GRM5: variants seen among roughly 807,000 people sequenced by gnomAD.
GRM5 encodes the protein metabotropic glutamate receptor 5.
Under a neutral mutation model 83.1 loss-of-function variants are expected in GRM5, and 19 were observed. The ratio of observed to expected loss-of-function variants is 0.23; its 90% CI spans 0.16 to 0.34. GRM5 has a LOEUF of 0.34. Ranked by LOEUF, GRM5 falls within the 10% of genes least tolerant of loss-of-function variation. The pLI, the probability that GRM5 is intolerant of heterozygous loss-of-function variation, is 1.00. For missense variants in GRM5, 1,160 were observed against 1,588.3 expected (o/e 0.73, Z 4.58); for synonymous variants, 675 against 633.6 (o/e 1.07, Z -0.98).
chr11:88,576,473 G>A (rs1943112073), intron 7 of GRM5, among the ~76,000 whole-genome samples: 1 of 152,140 alleles, frequency 6.6e-6, no homozygotes, highest in Admixed American at 6.6e-5. Context: ...TAAGTTTAAT[G>A]AATGAATGAA....
chr11:88,943,710 A>G (rs990347822), intron 2 of GRM5, among the ~76,000 whole-genome samples: 13 of 151,984 alleles, frequency 8.6e-5, no homozygotes, highest in Admixed American at 8.5e-4. Flanking sequence ...ACAGGAGTTG[A>G]TCTTAATAAC....
chr11:88,830,671 G>C (rs971387516), intron 3 of GRM5, among the ~76,000 whole-genome samples: 3 of 152,174 alleles, frequency 2.0e-5, no homozygotes, highest in African/African-American at 7.2e-5. Context: ...CTGGCTGTGA[G>C]ACTAACAGAG....
intron 2 of GRM5, among the ~76,000 whole-genome samples, chr11:88,892,532 T>C (rs1945163495): frequency 1.3e-5 from 2 of 152,060 alleles, no homozygotes; most frequent in Admixed American, 6.6e-5. Context: ...ATAATTATTC[T>C]TGCTGCACTT....
intron 2 of GRM5, among the ~76,000 whole-genome samples, chr11:89,046,392 A>C (rs1941643418): frequency 6.6e-6 from 1 of 152,034 alleles, no homozygotes; most frequent in South Asian, 2.1e-4. Flanking sequence ...TTTCTAGAAG[A>C]AGAGCTGCAT....
chr11:88,742,791 C>A (rs751846229), intron 3 of GRM5, among the ~76,000 whole-genome samples: 4 of 152,026 alleles, frequency 2.6e-5, no homozygotes, highest in Admixed American at 1.3e-4. Context: ...TTTTAACAAG[C>A]CCATTTGGGA....
At chr11:88,959,947 C>G (rs1482324826) in intron 2 of GRM5, among the ~76,000 whole-genome samples, 1 of 152,240 alleles carries the variant, frequency 6.6e-6, no homozygotes, top group Admixed American at 6.5e-5. Flanking sequence ...ACATTTTAAA[C>G]TCAGTTTAAC....
chr11:88,949,333 T>A (rs1938381561), intron 2 of GRM5, among the ~76,000 whole-genome samples: 1 of 152,256 alleles, frequency 6.6e-6, no homozygotes, highest in Admixed American at 6.5e-5. Context: ...CCTCACACTA[T>A]ACTGCACTTG....
At chr11:88,996,597 G>A (rs925054007) in intron 2 of GRM5, among the ~76,000 whole-genome samples, 2 of 152,182 alleles carry the variant, frequency 1.3e-5, no homozygotes, top group East Asian at 1.9e-4. Context: ...TCCATGCCAC[G>A]CTCTCAAAAA....
chr11:88,863,144 C>G (rs564293005), intron 2 of GRM5, among the ~76,000 whole-genome samples: 1 of 152,066 alleles, frequency 6.6e-6, no homozygotes, highest in African/African-American at 2.4e-5. Context: ...GAAATGGGAA[C>G]ACGTTTACAC....
intron 3 of GRM5, among the ~76,000 whole-genome samples, chr11:88,741,839 C>T (rs998213762): frequency 6.6e-6 from 1 of 151,716 alleles, no homozygotes; most frequent in African/African-American, 2.4e-5. Context: ...GAGAGGATTT[C>T]CTGGAGGAAA....
At chr11:88,606,790 A>G (rs1479017250) in intron 4 of GRM5, among the ~76,000 whole-genome samples, 8 of 152,126 alleles carry the variant, frequency 5.3e-5, no homozygotes, top group Non-Finnish European at 1.0e-4. Flanking sequence ...GTGTCTAGGA[A>G]GTGAAATCTA....
At chr11:88,940,458 G>A (rs1053157180) in intron 2 of GRM5, among the ~76,000 whole-genome samples, 4 of 149,616 alleles carry the variant, frequency 2.7e-5, no homozygotes, top group Non-Finnish European at 3.0e-5. Context: ...GGGAGAAAGC[G>A]CTCCCATTAT....
At chr11:88,680,072 A>G (rs1356692608) in intron 3 of GRM5, among the ~76,000 whole-genome samples, 1 of 152,144 alleles carries the variant, frequency 6.6e-6, no homozygotes, top group Non-Finnish European at 1.5e-5. Flanking sequence ...TCTCAACATC[A>G]AACTAATTTT....
intron 2 of GRM5, among the ~76,000 whole-genome samples, chr11:88,882,151 C>A (rs897803489): frequency 1.3e-5 from 2 of 151,742 alleles, no homozygotes; most frequent in African/African-American, 4.8e-5. Context: ...GAAAGAGAAT[C>A]GCTTGAACCC....
intron 3 of GRM5, among the ~76,000 whole-genome samples, chr11:88,688,085 C>T (rs1940691865): frequency 6.6e-6 from 1 of 152,112 alleles, no homozygotes; most frequent in Non-Finnish European, 1.5e-5. Flanking sequence ...GAAGCTTGGG[C>T]ACTTTGGAAA....
intron 4 of GRM5, among the ~76,000 whole-genome samples, chr11:88,629,150 G>T (rs12280577): frequency 1.3e-5 from 2 of 152,148 alleles, no homozygotes; most frequent in East Asian, 3.8e-4. Flanking sequence ...GGATCTGATG[G>T]TTATTATTCT....
intron 2 of GRM5, among the ~76,000 whole-genome samples, chr11:88,986,361 G>A (rs1939709886): frequency 6.6e-6 from 1 of 152,154 alleles, no homozygotes; most frequent in African/African-American, 2.4e-5. Context: ...GGAGGAAGTG[G>A]TGTGGCTATA....
intron 2 of GRM5, among the ~76,000 whole-genome samples, chr11:88,890,335 A>G (rs1945122762): frequency 1.3e-5 from 2 of 152,152 alleles, no homozygotes; most frequent in South Asian, 4.1e-4. Context: ...CCTACTTATT[A>G]GGCCCTAAAA....
chr11:88,866,910 A>C (rs891105251), intron 2 of GRM5, among the ~76,000 whole-genome samples: 15 of 152,212 alleles, frequency 9.9e-5, no homozygotes, highest in African/African-American at 1.9e-4. Context: ...ATCCAGTTTT[A>C]GTTTTCTGCA....
Sources: gnomAD v4.1 joint callset for allele counts (sites outside exome capture counted in the v4.1 genomes callset) on GRCh38, gnomAD v4.1.1 for gene constraint, MANE v1.5 for transcripts, NCBI Gene and HGNC (gene_info 2026-07-23, HGNC 2026-07-21) for gene names.